SRRM4: variants seen among roughly 807,000 people sequenced by gnomAD.
SRRM4 encodes serine/arginine repetitive matrix protein 4.
SRRM4 carries 33 observed loss-of-function variants against 68.9 expected under a neutral mutation model. That is an observed-to-expected ratio of 0.48 (90% confidence interval 0.36 to 0.64). The LOEUF is 0.64. Ranked by LOEUF, SRRM4 falls within the 30% of genes least tolerant of loss-of-function variation. SRRM4 has a pLI of 0.00. For synonymous variants in SRRM4, 318 were observed against 318.8 expected, an observed-to-expected ratio of 1.00 and a Z score of 0.03; for missense variants, 817 against 827.1, an observed-to-expected ratio of 0.99 and a Z score of 0.15.
chr12:119,012,951 C>T (rs1271648516), intron 1 of SRRM4, among the ~76,000 whole-genome samples: 2 of 152,170 alleles, frequency 1.3e-5, no homozygotes, highest in Non-Finnish European at 2.9e-5. Flanking sequence ...AGGTGTTTTA[C>T]ATCAACCTGG....
At chr12:118,987,344 C>T (rs1305195306) in intron 1 of SRRM4, among the ~76,000 whole-genome samples, 3 of 152,150 alleles carry the variant, frequency 2.0e-5, no homozygotes, top group Non-Finnish European at 4.4e-5. Flanking sequence ...AGGGGGGATG[C>T]TAAAGCCCCT....
rs1447600935 is a variant in SRRM4, at chr12:119,075,267, T to TA, written c.132-26962dup. On this transcript the variant is annotated intron_variant, in intron 1 of 12. Coordinates refer to ENST00000267260, the MANE Select transcript of SRRM4 (RefSeq NM_194286.4). ...GTGCCAGATATTGTTTCTTCTTATTTAAAAAAATGAGCAAAGTAAAAAAAA... is the reference window on the plus strand; with the variant it reads ...GTGCCAGATATTGTTTCTTCTTATTTAAAAAAAATGAGCAAAGTAAAAAAAA... Among the ~76,000 whole-genome samples, 3 of 152,268 alleles carry TA rather than the reference T, an allele frequency of 2.0e-5. No homozygotes were observed. The East Asian group carries it at 5.8e-4, about 29-fold the overall frequency.
chr12:119,109,112 T>C (rs1954126378), intron 2 of SRRM4, among the ~76,000 whole-genome samples: 1 of 152,182 alleles, frequency 6.6e-6, no homozygotes, highest in African/African-American at 2.4e-5. Context: ...AAATTCTGGG[T>C]TGAAAATTCT....
At chr12:119,113,068 TA>T (rs1954154710) in intron 2 of SRRM4, among the ~76,000 whole-genome samples, 1 of 152,216 alleles carries the variant, frequency 6.6e-6, no homozygotes, top group Non-Finnish European at 1.5e-5. Flanking sequence ...TCCAGCTGTT[TA>T]AATAAAATGA....
At chr12:119,083,993 T>C (rs1953965026) in intron 1 of SRRM4, among the ~76,000 whole-genome samples, 2 of 152,234 alleles carry the variant, frequency 1.3e-5, no homozygotes, top group African/African-American at 4.8e-5. Flanking sequence ...GCTATTGCCA[T>C]AAGCCATGCA....
chr12:119,037,392 G>T (rs1953636418), intron 1 of SRRM4, among the ~76,000 whole-genome samples: 1 of 152,168 alleles, frequency 6.6e-6, no homozygotes, highest in African/African-American at 2.4e-5. Flanking sequence ...AGGCTGGGAG[G>T]CAGGGGGAGA....
chr12:119,084,472 C>T (rs1343262366), intron 1 of SRRM4, among the ~76,000 whole-genome samples: 1 of 152,228 alleles, frequency 6.6e-6, no homozygotes, highest in African/African-American at 2.4e-5. Context: ...TCCCAGTGTA[C>T]TGAGATTCAG....
At chr12:119,122,787 A>G (rs902621763) in intron 6 of SRRM4, among the ~76,000 whole-genome samples, 1 of 152,118 alleles carries the variant, frequency 6.6e-6, no homozygotes, top group Admixed American at 6.5e-5. Flanking sequence ...TTACCTGTGC[A>G]TGGGTGGTCA....
chr12:118,983,348 C>A (rs1026695344), intron 1 of SRRM4, among the ~76,000 whole-genome samples: 1 of 152,214 alleles, frequency 6.6e-6, no homozygotes, highest in African/African-American at 2.4e-5. Context: ...TAAAGCAGCA[C>A]CAGCCAGTGT....
intron 1 of SRRM4, among the ~76,000 whole-genome samples, chr12:119,077,089 C>CT (rs11372500): frequency 0.57 from 86,831 of 151,884 alleles, 25,812 homozygotes; most frequent in Middle Eastern, 0.76. Context: ...CACTGATTTT[C>CT]TCCCTTCAGT....
intron 8 of SRRM4, among the ~76,000 whole-genome samples, chr12:119,141,769 C>T (rs1479686904): frequency 1.3e-5 from 2 of 152,182 alleles, no homozygotes; most frequent in African/African-American, 4.8e-5. Context: ...AGCTCCAAAC[C>T]CAGTCAGAGA....
chr12:119,144,960 T>A (rs923418596), intron 8 of SRRM4, among the ~76,000 whole-genome samples: 1 of 152,312 alleles, frequency 6.6e-6, no homozygotes, highest in Non-Finnish European at 1.5e-5. Context: ...TTCCAAGATA[T>A]ATTTTTTCAG....
At chr12:119,103,306 C>T (rs1030597913) in intron 2 of SRRM4, among the ~76,000 whole-genome samples, 8 of 151,802 alleles carry the variant, frequency 5.3e-5, no homozygotes, top group African/African-American at 4.8e-5. Context: ...ATGTTTGTTG[C>T]GTAGGTAAAC....
At chr12:119,076,273 A>C (rs1046875557) in intron 1 of SRRM4, among the ~76,000 whole-genome samples, 1 of 152,194 alleles carries the variant, frequency 6.6e-6, no homozygotes, top group African/African-American at 2.4e-5. Flanking sequence ...TAACTCATTT[A>C]ATTCTCACAA....
intron 8 of SRRM4, among the ~76,000 whole-genome samples, chr12:119,140,917 T>A (rs968326560): frequency 6.6e-6 from 1 of 152,124 alleles, no homozygotes; most frequent in East Asian, 1.9e-4. Flanking sequence ...CACAGTAGAG[T>A]GGCTCTAGTA....
intron 1 of SRRM4, among the ~76,000 whole-genome samples, chr12:119,003,863 C>T (rs1953400352): frequency 6.6e-6 from 1 of 152,032 alleles, no homozygotes; most frequent in Admixed American, 6.5e-5. Context: ...TTATTCTTTT[C>T]TTCTCTCTAT....
At chr12:119,029,221 T>G (rs921828136) in intron 1 of SRRM4, among the ~76,000 whole-genome samples, 10 of 152,176 alleles carry the variant, frequency 6.6e-5, no homozygotes, top group Non-Finnish European at 1.0e-4. Context: ...CCACTCTAAT[T>G]TCCTTAATCA....
At chr12:119,048,440 T>A (rs1314824994) in intron 1 of SRRM4, among the ~76,000 whole-genome samples, 1 of 152,204 alleles carries the variant, frequency 6.6e-6, no homozygotes, top group Non-Finnish European at 1.5e-5. Context: ...ACATGAATTG[T>A]GAGCTCTGGG....
At chr12:119,073,758 C>T (rs1162223285) in intron 1 of SRRM4, among the ~76,000 whole-genome samples, 1 of 152,094 alleles carries the variant, frequency 6.6e-6, no homozygotes, top group African/African-American at 2.4e-5. Flanking sequence ...GTAGCTGAGA[C>T]CACAGTCATA....
Sources: allele counts gnomAD v4.1 joint callset (sites outside exome capture counted in the v4.1 genomes callset), GRCh38; gene constraint gnomAD v4.1.1; transcripts MANE v1.5; gene names NCBI Gene and HGNC (gene_info 2026-07-23, HGNC 2026-07-21).